PARD3: variants seen among roughly 807,000 people sequenced by gnomAD.
The protein encoded by PARD3 is par-3 family cell polarity regulator.
PARD3 carries 75 observed loss-of-function variants against 155.4 expected under a neutral mutation model. The ratio of observed to expected loss-of-function variants is 0.48; its 90% confidence interval spans 0.40 to 0.58. The LOEUF is 0.58. Among genes scored for constraint, PARD3 ranks in the 20% least tolerant of loss-of-function variants. PARD3 has a pLI of 0.00. For synonymous variants in PARD3, 576 were observed against 610.5 expected (o/e 0.94, Z 0.83); for missense variants, 1,642 against 1,721.7 (o/e 0.95, Z 0.82).
At chr10:34,663,301 T>TAAAAATACAAAATAC (rs1220503469) in intron 2 of PARD3, among the ~76,000 whole-genome samples, 11 of 151,840 alleles carry the variant, frequency 7.2e-5, no homozygotes, top group Non-Finnish European at 1.3e-4. Context: ...CCATCTCTAC[T>TAAAAATACAAAATAC]AAAAATACAA....
At position 34,269,882 on chromosome 10, in the gene PARD3, C is replaced by A. The variant is rs773064385; in HGVS notation, c.3194G>T (p.Arg1065Leu). ...QEQERIQAKT[R>L]EFRERQARER... ...TCGAGCTTGTCGTTCCCTAAATTCT[C>A]GAGTTTTGGCTTGAATCCTATGAAA... The change falls in exon 22 of 25, where the codon CGA (arginine) becomes CTA (leucine). Residue 1065 changes from arginine to leucine, a missense_variant. Arg to Leu is a moderately radical substitution (Grantham distance 102). Around this residue, in one of 3 missense-constraint regions of PARD3, gnomAD observed 1,529 missense variants for 1,587.3 expected, o/e 0.96. Coordinates refer to ENST00000374788, the MANE Select transcript of PARD3 (RefSeq NM_001184785.2). 3.1e-6 allele frequency: 5 copies of A among 1,613,344 alleles called. No homozygotes were observed. The highest frequency in any genetic ancestry group is 4.2e-6 in the Non-Finnish European group (5 of 1,179,776).
At chr10:34,408,761 A>G (rs11009775) in intron 5 of PARD3, among the ~76,000 whole-genome samples, 36,243 of 152,010 alleles carry the variant, frequency 0.24, 5,047 homozygotes, top group South Asian at 0.44. Context: ...TTAATTCATG[A>G]TCATTATATT....
At chr10:34,315,222 T>A (rs1418183089) in intron 20 of PARD3, among the ~76,000 whole-genome samples, 1 of 151,692 alleles carries the variant, frequency 6.6e-6, no homozygotes, top group East Asian at 1.9e-4. Context: ...AAAAAGAGAG[T>A]TGTGTGGTGG....
intron 18 of PARD3, among the ~76,000 whole-genome samples, chr10:34,333,346 T>G (rs980644237): frequency 2.6e-5 from 4 of 152,106 alleles, no homozygotes; most frequent in African/African-American, 9.7e-5. Context: ...TGAGTGTCCC[T>G]AAGCATAAAC....
chr10:34,758,211 A>T (rs1305028780), intron 1 of PARD3, among the ~76,000 whole-genome samples: 1 of 152,232 alleles, frequency 6.6e-6, no homozygotes, highest in African/African-American at 2.4e-5. Context: ...AGCTGAGTAA[A>T]GAAAAAGTTT....
intron 2 of PARD3, among the ~76,000 whole-genome samples, chr10:34,644,412 CTA>C (rs1409955345): frequency 1.1e-4 from 17 of 152,266 alleles, no homozygotes; most frequent in Admixed American, 1.1e-3. Flanking sequence ...CTCTGAAATG[CTA>C]TGACATTAAG....
chr10:34,606,347 A>G (rs552920692), intron 2 of PARD3, among the ~76,000 whole-genome samples: 1 of 151,942 alleles, frequency 6.6e-6, no homozygotes, highest in African/African-American at 2.4e-5. Context: ...CACCCAGAGG[A>G]GGAGAAAGAT....
intron 20 of PARD3, among the ~76,000 whole-genome samples, chr10:34,290,619 T>C (rs1956631866): frequency 6.6e-6 from 1 of 152,244 alleles, no homozygotes; most frequent in South Asian, 2.1e-4. Flanking sequence ...AGTTCAGTAT[T>C]CTGCCTTGTG....
Position 34,736,092 on chromosome 10 carries a change from C to T in PARD3, c.121-39673G>A, listed in dbSNP as rs569385879. Among the ~76,000 whole-genome samples, 46 of 152,090 alleles carry T rather than the reference C, an allele frequency of 3.0e-4. No homozygotes were observed. In the South Asian group the frequency reaches 4.8e-3, roughly 16 times the overall value. ...TGCCGCCCAGGCTGGAGTGCAGTGGCGCGATCTCGGCTAGCTGCAAGCTCC... is the reference window on the plus strand; with the variant it reads ...TGCCGCCCAGGCTGGAGTGCAGTGGTGCGATCTCGGCTAGCTGCAAGCTCC... On this transcript the variant is annotated intron_variant, in intron 1 of 24. Transcript: ENST00000374788.
chr10:34,361,655 T>C (rs1288693681), intron 12 of PARD3, among the ~76,000 whole-genome samples: 1 of 152,202 alleles, frequency 6.6e-6, no homozygotes, highest in Non-Finnish European at 1.5e-5. Context: ...TAGATCATCA[T>C]AAAATAAGCA....
intron 3 of PARD3, among the ~76,000 whole-genome samples, chr10:34,476,747 T>C (rs2078733106): frequency 6.6e-6 from 1 of 151,968 alleles, no homozygotes; most frequent in Non-Finnish European, 1.5e-5. Context: ...GAAAAAAACA[T>C]AAAAGCACTG....
intron 2 of PARD3, among the ~76,000 whole-genome samples, chr10:34,687,280 C>T (rs911996552): frequency 1.3e-5 from 2 of 152,166 alleles, no homozygotes; most frequent in Middle Eastern, 3.4e-3. Context: ...ATACCCAGGG[C>T]AAGGGGGCTG....
intron 2 of PARD3, among the ~76,000 whole-genome samples, chr10:34,668,019 A>G (rs2093530549): frequency 6.6e-6 from 1 of 152,200 alleles, no homozygotes; most frequent in Non-Finnish European, 1.5e-5. Flanking sequence ...AACTTCCTGC[A>G]TGGAGTGAGG....
chr10:34,116,489 C>T (rs538339373), intron 24 of PARD3, among the ~76,000 whole-genome samples: 1 of 152,126 alleles, frequency 6.6e-6, no homozygotes, highest in Admixed American at 6.5e-5. Flanking sequence ...TGGTTGCAGT[C>T]CCCCCTGACC....
chr10:34,526,943 T>A (rs1308424189), intron 2 of PARD3, among the ~76,000 whole-genome samples: 1 of 152,198 alleles, frequency 6.6e-6, no homozygotes, highest in African/African-American at 2.4e-5. Context: ...GTTGAACTTG[T>A]AAAAAATGAC....
In PARD3 at chr10:34,794,787, T is replaced by C. The variant is rs561186945; in HGVS notation, c.120+20089A>G. On this transcript the variant is annotated intron_variant, in intron 1 of 24. Coordinates refer to ENST00000374788, the MANE Select transcript of PARD3 (RefSeq NM_001184785.2). ...TTGTCAGCTTCAAAAGTTCAGGACA[T>C]ACATTTTATTGCCCTTGCCCAGATC... Among the ~76,000 whole-genome samples, 26 of 152,386 alleles carry C rather than the reference T, an allele frequency of 1.7e-4. No individual in the cohort carries two copies. In the South Asian group the frequency reaches 3.7e-3, roughly 22 times the overall value.
intron 3 of PARD3, among the ~76,000 whole-genome samples, chr10:34,514,800 G>A (rs1490185264): frequency 1.3e-5 from 2 of 152,228 alleles, no homozygotes; most frequent in African/African-American, 2.4e-5. Flanking sequence ...TGAGTCCAGA[G>A]GAGTCAAAAG....
At chr10:34,709,546 A>G (rs79996802) in intron 1 of PARD3, among the ~76,000 whole-genome samples, 5,846 of 152,340 alleles carry the variant, frequency 0.038, 173 homozygotes, top group Non-Finnish European at 0.058. Flanking sequence ...CTAAACCAGG[A>G]TGGTGGTGGA....
intron 22 of PARD3, among the ~76,000 whole-genome samples, chr10:34,162,410 C>T (rs1949329388): frequency 6.6e-6 from 1 of 152,176 alleles, no homozygotes; most frequent in Non-Finnish European, 1.5e-5. Context: ...TCTTCGATGT[C>T]CGCATGCCTA....
Sources: gnomAD v4.1 joint callset for allele counts (sites outside exome capture counted in the v4.1 genomes callset) on GRCh38, gnomAD v4.1.1 for gene constraint, gnomAD v4.1.1 regional missense constraint, MANE v1.5 for transcripts, NCBI Gene and HGNC (gene_info 2026-07-23, HGNC 2026-07-21) for gene names.